FNBP1: variants seen among roughly 807,000 people sequenced by gnomAD.
FNBP1 encodes formin binding protein 1, also known as formin-binding protein 1.
FNBP1 carries 26 observed loss-of-function variants against 90.6 expected under a neutral mutation model. The observed-to-expected ratio is 0.29, with a 90% CI of 0.21 to 0.40. The LOEUF is 0.40. Among genes scored for constraint, FNBP1 ranks in the 10% least tolerant of loss-of-function variants. The pLI is 1.00. For synonymous variants in FNBP1, 260 were observed against 265.2 expected, an observed-to-expected ratio of 0.98 and a Z score of 0.19; for missense variants, 635 against 768.0, an observed-to-expected ratio of 0.83 and a Z score of 2.05.
chr9:129,901,957 A>C (rs919689536), intron 13 of FNBP1, among the ~76,000 whole-genome samples: 30 of 152,188 alleles, frequency 2.0e-4, no homozygotes, highest in African/African-American at 7.0e-4. Flanking sequence ...CATTGCTGGA[A>C]ACAATCTATT....
chr9:129,990,671 A>T (rs926704660), intron 2 of FNBP1, among the ~76,000 whole-genome samples: 1 of 152,196 alleles, frequency 6.6e-6, no homozygotes, highest in Non-Finnish European at 1.5e-5. Context: ...GGAATACTGT[A>T]ATCTGGCTGC....
At chr9:130,014,094 T>C (rs935408791) in intron 1 of FNBP1, 3 of 456,208 alleles carry the variant, frequency 6.6e-6, no homozygotes, top group African/African-American at 2.0e-5. Flanking sequence ...TACTGGTATA[T>C]TCATACAGGA....
At chr9:129,932,628 C>T (rs2042932643) in intron 6 of FNBP1, among the ~76,000 whole-genome samples, 2 of 152,086 alleles carry the variant, frequency 1.3e-5, no homozygotes, top group South Asian at 2.1e-4. Flanking sequence ...TTGGATCTGT[C>T]GGTGCCATTT....
rs535785693 is a variant in FNBP1, at chr9:130,026,367, G to A, written c.24+16585C>T. Among the ~76,000 whole-genome samples, 32 of 152,076 alleles carry A rather than the reference G, an allele frequency of 2.1e-4. 1 individual carries two copies. The highest frequency in any genetic ancestry group is 3.4e-3 in the Middle Eastern group (1 of 294). On this transcript the variant is annotated intron_variant, in intron 1 of 16. Transcript: ENST00000446176. ...AAATTAGCCAGGCAGGGTGGCATGC[G>A]CCTATAGTCCCAGCTACCTGGGAGG... is the stretch of plus-strand genomic sequence containing the variant.
At chr9:129,914,793 A>ATATATATATATATATC (rs1173294546) in intron 11 of FNBP1, 4 of 161,444 alleles carry the variant, frequency 2.5e-5, no homozygotes, top group Non-Finnish European at 5.2e-5. Context: ...ATATATATAT[A>ATATATATATATATATC]TCTCACCATA....
intron 5 of FNBP1, 30 bp downstream of exon 5, chr9:129,958,461 C>T (rs771621820): frequency 5.8e-6 from 9 of 1,541,160 alleles, no homozygotes; most frequent in East Asian, 2.4e-5. Flanking sequence ...TCTATAAAGC[C>T]GTTTCTTTTG....
At chr9:130,053,464 GC>G in the FNBP1 span, 1 of 171,488 alleles carries the variant, frequency 5.8e-6, no homozygotes, top group Non-Finnish European at 1.3e-5. Flanking sequence ...AGTGTGAAGC[GC>G]CTAGAAAACC....
chr9:129,924,655 C>T (rs2041611037), intron 9 of FNBP1, among the ~76,000 whole-genome samples: 1 of 152,134 alleles, frequency 6.6e-6, no homozygotes, highest in Non-Finnish European at 1.5e-5. Context: ...ATCCTCTCTC[C>T]CAGCCAAGGT....
intron 1 of FNBP1, among the ~76,000 whole-genome samples, chr9:130,028,720 C>T (rs896848522): frequency 2.0e-5 from 3 of 152,294 alleles, no homozygotes; most frequent in Admixed American, 6.5e-5. Flanking sequence ...AAGGGCAACA[C>T]GTTATGACAG....
In FNBP1 at chr9:129,887,694, A is replaced by G; in HGVS notation, c.*2845T>C. 4.5e-6 allele frequency: 1 copy of G among 220,974 alleles called. No homozygotes were observed. The allele number at this position is 220,974 out of a possible 1,614,324, so 13.7% of individuals were successfully genotyped here. ...CTTCTGTGCCTTTTTATACTTTCCCATCCTACAAAGGAAAAACTGGGTAAA... is the reference window on the plus strand; with the variant it reads ...CTTCTGTGCCTTTTTATACTTTCCCGTCCTACAAAGGAAAAACTGGGTAAA... On this transcript the variant is annotated 3_prime_UTR_variant, in exon 17 of 17. Transcript: ENST00000446176.
intron 1 of FNBP1, among the ~76,000 whole-genome samples, chr9:130,014,770 A>G (rs999535884): frequency 1.3e-5 from 2 of 152,154 alleles, no homozygotes; most frequent in African/African-American, 4.8e-5. Flanking sequence ...AATGAAGGTA[A>G]AACATTTATG....
chr9:129,908,780 T>C, intron 12 of FNBP1, 110 bp downstream of exon 12: 1 of 668,102 alleles, frequency 1.5e-6, no homozygotes, highest in East Asian at 2.9e-5. Flanking sequence ...CTTGATCTCT[T>C]GACCTCAGGT....
intron 2 of FNBP1, among the ~76,000 whole-genome samples, chr9:129,994,452 T>G (rs1461408668): frequency 5.9e-5 from 9 of 152,212 alleles, no homozygotes; most frequent in African/African-American, 2.2e-4. Context: ...GCCAGGCTGG[T>G]CTTTCTGTTT....
chr9:129,890,525 G>A lies in FNBP1; in HGVS notation c.*14C>T, dbSNP rs772203554. ...CTCCAGGAAGGCTCACCCGAGGCTC[G>A]CAGGCACTCCCCTCTAGGAATCTAC... On this transcript the variant is annotated 3_prime_UTR_variant, in exon 17 of 17. Coordinates refer to ENST00000446176, the MANE Select transcript of FNBP1 (RefSeq NM_015033.3). The surrounding 1 kb of genome is among the most constrained non-coding windows in gnomAD (Gnocchi z 5.8). The A allele has an allele frequency of 7.6e-6, 12 of 1,584,078 alleles. No individual in the cohort carries two copies. The highest frequency in any genetic ancestry group is 2.3e-5 in the East Asian group (1 of 43,110).
intron 4 of FNBP1, among the ~76,000 whole-genome samples, chr9:129,969,292 GTT>G (rs1242072585): frequency 4.6e-5 from 7 of 152,176 alleles, no homozygotes; most frequent in Non-Finnish European, 8.8e-5. Flanking sequence ...AATTATCAGA[GTT>G]TTATCAAGAA....
At chr9:130,004,441 G>C (rs1341109527) in intron 1 of FNBP1, among the ~76,000 whole-genome samples, 1 of 152,172 alleles carries the variant, frequency 6.6e-6, no homozygotes, top group African/African-American at 2.4e-5. Flanking sequence ...TATTCACCCA[G>C]TGAAGGGAAT....
intron 4 of FNBP1, among the ~76,000 whole-genome samples, chr9:129,965,060 TG>T (rs559827257): frequency 8.5e-5 from 13 of 152,292 alleles, no homozygotes; most frequent in African/African-American, 3.1e-4. Flanking sequence ...AGCGTAGTAG[TG>T]GGTTTGAACA....
intron 6 of FNBP1, among the ~76,000 whole-genome samples, chr9:129,944,108 T>G (rs2044803415): frequency 6.6e-6 from 1 of 151,906 alleles, no homozygotes; most frequent in Non-Finnish European, 1.5e-5. Flanking sequence ...TCTCTCCGTC[T>G]CATGCTTCTC....
intron 4 of FNBP1, among the ~76,000 whole-genome samples, chr9:129,965,889 G>C (rs2048560775): frequency 6.6e-6 from 1 of 151,846 alleles, no homozygotes. Context: ...TCCTCTCATG[G>C]AATGGCTCAT....
Sources: gnomAD v4.1 joint callset for allele counts (sites outside exome capture counted in the v4.1 genomes callset) on GRCh38, gnomAD v4.1.1 for gene constraint, Gnocchi (gnomAD v3.1) non-coding constraint, MANE v1.5 for transcripts, NCBI Gene and HGNC (gene_info 2026-07-23, HGNC 2026-07-21) for gene names.